CACNA1A: variants seen among roughly 807,000 people sequenced by gnomAD.
The protein encoded by CACNA1A is calcium voltage-gated channel subunit alpha1 A.
Under a neutral mutation model 262.4 loss-of-function variants are expected in CACNA1A, and 57 were observed. That is an observed-to-expected ratio of 0.22 (90% CI 0.18 to 0.27). The LOEUF is 0.27. CACNA1A is among the 10% of genes least tolerant of loss of function. CACNA1A has a pLI of 1.00. For missense variants in CACNA1A, 2,526 were observed against 3,562.8 expected, an observed-to-expected ratio of 0.71 and a Z score of 7.41; for synonymous variants, 1,431 against 1,419.3, an observed-to-expected ratio of 1.01 and a Z score of -0.18.
Position 13,212,265 on chromosome 19 carries a change from G to A in CACNA1A, c.6190-49C>T, listed in dbSNP as rs1477256776. 1 of 1,587,866 alleles carries A rather than the reference G, an allele frequency of 6.3e-7. No individual in the cohort carries two copies. Among genetic ancestry groups the A allele is most frequent in the East Asian group, 2.2e-5 (1 of 44,694 alleles). On this transcript the variant is annotated intron_variant, in intron 42 of 46. Coordinates refer to ENST00000360228, the MANE Select transcript of CACNA1A (RefSeq NM_001127222.2). The surrounding 1 kb of genome is among the most constrained non-coding windows in gnomAD (Gnocchi z 5.6). ...GATGAGCTCTGGGGCCTGACCTCCA[G>A]ATCCCTGGTGTCTGCAGAGGGAGGG...
intron 38 of CACNA1A, among the ~76,000 whole-genome samples, chr19:13,218,926 G>A (rs1014806912): frequency 6.6e-6 from 1 of 152,144 alleles, no homozygotes; most frequent in Admixed American, 6.5e-5. Context: ...TAGAGACGGG[G>A]TTTCGCCATG....
At chr19:13,231,995 C>T in intron 34 of CACNA1A, 135 bp from the exon 35 acceptor site, 1 of 743,346 alleles carries the variant, frequency 1.3e-6, no homozygotes, top group Non-Finnish European at 2.2e-6. Context: ...GGACCACCTC[C>T]TTTTACTGGG....
intron 3 of CACNA1A, among the ~76,000 whole-genome samples, chr19:13,427,016 G>A (rs1265213315): frequency 6.6e-6 from 1 of 152,170 alleles, no homozygotes; most frequent in Non-Finnish European, 1.5e-5. Flanking sequence ...TGCCTAGCGG[G>A]GAAAAATGGC....
chr19:13,473,919 C>T lies in CACNA1A; in HGVS notation c.294-18707G>A, dbSNP rs150597686. Among the ~76,000 whole-genome samples the T allele has an allele frequency of 5.3e-3, 802 of 152,300 alleles. 7 individuals are homozygous for T. Among genetic ancestry groups the T allele is most frequent in the African/African-American group, 0.018 (757 of 41,552 alleles). On this transcript the variant is annotated intron_variant, in intron 1 of 46. Transcript: ENST00000360228. ...GTTAAACAGATTTTCTGGAAAGCCC[C>T]GGCCTCCCAATGAAACCTCCCTCAC... is the stretch of plus-strand genomic sequence containing the variant.
intron 4 of CACNA1A, chr19:13,365,808 C>G (rs1301317731): frequency 5.4e-6 from 1 of 185,548 alleles, no homozygotes; most frequent in East Asian, 1.3e-4. Context: ...GCTAGGACTA[C>G]AGGCATGCAC....
At chr19:13,472,231 A>AT (rs2145040382) in intron 1 of CACNA1A, among the ~76,000 whole-genome samples, 1 of 152,254 alleles carries the variant, frequency 6.6e-6, no homozygotes, top group South Asian at 2.1e-4. Flanking sequence ...TCAGCCTCCC[A>AT]AAGTGCTAGG....
intron 1 of CACNA1A, among the ~76,000 whole-genome samples, chr19:13,487,361 G>A (rs899491632): frequency 2.6e-5 from 4 of 152,158 alleles, no homozygotes; most frequent in Admixed American, 6.5e-5. Flanking sequence ...AATGCAGGGA[G>A]CTGGGCTTTC....
intron 6 of CACNA1A, among the ~76,000 whole-genome samples, chr19:13,351,457 T>C (rs894979125): frequency 1.3e-5 from 2 of 152,188 alleles, no homozygotes; most frequent in African/African-American, 4.8e-5. Context: ...TCCTCCTGCC[T>C]CAGCCTCCCA....
intron 4 of CACNA1A, among the ~76,000 whole-genome samples, chr19:13,368,626 G>A (rs954703802): frequency 1.9e-4 from 29 of 152,212 alleles, no homozygotes; most frequent in Non-Finnish European, 3.5e-4. Context: ...TATAGCCTGA[G>A]GCTTTGCTTC....
rs761906928 is a variant in CACNA1A at position 13,207,281 on chromosome 19, G to C, written c.*32C>G. 1.4e-5 allele frequency: 22 copies of C among 1,524,198 alleles called. No homozygotes were observed. Among genetic ancestry groups the C allele is most frequent in the South Asian group, 3.6e-5 (3 of 84,464 alleles). The allele number at this position is 1,524,198 out of a possible 1,614,324, so 94.4% of individuals were successfully genotyped here. ...GGTGGGGTGTGTGCGTGGGGTGCGT[G>C]GGGGGCCGGGCGGGCGCCACCTCGC... On this transcript the variant is annotated 3_prime_UTR_variant, in exon 47 of 47. Coordinates refer to ENST00000360228, the MANE Select transcript of CACNA1A (RefSeq NM_001127222.2). The surrounding 1 kb of genome is among the most constrained non-coding windows in gnomAD (Gnocchi z 5.7).
chr19:13,414,522 G>C (rs948862721), intron 3 of CACNA1A, among the ~76,000 whole-genome samples: 1 of 152,180 alleles, frequency 6.6e-6, no homozygotes, highest in South Asian at 2.1e-4. Flanking sequence ...CACAAGAAAG[G>C]TGTCATCTAG....
chr19:13,429,604 A>T (rs1442734029), intron 3 of CACNA1A, among the ~76,000 whole-genome samples: 1 of 150,994 alleles, frequency 6.6e-6, no homozygotes, highest in African/African-American at 2.4e-5. Flanking sequence ...ATCTTGATTT[A>T]AAAAAAATTC....
At chr19:13,233,673 T>G (rs1242219812) in intron 34 of CACNA1A, among the ~76,000 whole-genome samples, 1 of 152,032 alleles carries the variant, frequency 6.6e-6, no homozygotes, top group African/African-American at 2.4e-5. Context: ...AATTTTTTTG[T>G]AGAGACGGGG....
In CACNA1A at chr19:13,248,805, T is replaced by C. The variant is rs937169743; in HGVS notation, c.4867-3540A>G. ...TTGCAGTGAGCCAAGATTGCACCAC[T>C]GCACTCCAGCCTGGGCAACAGAGTG... On this transcript the variant is annotated intron_variant, in intron 30 of 46. Transcript: ENST00000360228. Among the ~76,000 whole-genome samples the C allele has an allele frequency of 3.3e-5, 5 of 150,348 alleles. No individual in the cohort carries two copies. In the East Asian group the frequency reaches 9.8e-4, roughly 30 times the overall value.
At chr19:13,232,190 TTC>T (rs139395059) in intron 34 of CACNA1A, among the ~76,000 whole-genome samples, 4 of 151,492 alleles carry the variant, frequency 2.6e-5, no homozygotes, top group South Asian at 2.1e-4. Flanking sequence ...TTCCTTTCTT[TTC>T]TCTCTCTCTC....
chr19:13,440,855 G>A (rs1273769533), intron 3 of CACNA1A, among the ~76,000 whole-genome samples: 1 of 152,166 alleles, frequency 6.6e-6, no homozygotes, highest in African/African-American at 2.4e-5. Context: ...CGCTCTGTTG[G>A]ACTGCAGTGG....
intron 3 of CACNA1A, among the ~76,000 whole-genome samples, chr19:13,392,074 A>AACG (rs2059720408): frequency 6.6e-6 from 1 of 151,288 alleles, no homozygotes; most frequent in African/African-American, 2.4e-5. Flanking sequence ...AGCTGGGCAC[A>AACG]ACGTTGCATG....
intron 24 of CACNA1A, among the ~76,000 whole-genome samples, chr19:13,267,588 C>G (rs1354748410): frequency 1.3e-5 from 2 of 152,128 alleles, no homozygotes; most frequent in African/African-American, 4.8e-5. Context: ...AGGTTGTGAG[C>G]TTTGAAGTTG....
intron 3 of CACNA1A, among the ~76,000 whole-genome samples, chr19:13,418,136 C>T (rs993368121): frequency 1.3e-5 from 2 of 152,154 alleles, no homozygotes; most frequent in African/African-American, 2.4e-5. Context: ...AGGTGAGTTA[C>T]TTAACCCCAC....
Sources: allele counts gnomAD v4.1 joint callset (sites outside exome capture counted in the v4.1 genomes callset), GRCh38; gene constraint gnomAD v4.1.1; non-coding constraint Gnocchi (gnomAD v3.1); transcripts MANE v1.5; gene names NCBI Gene and HGNC (gene_info 2026-07-23, HGNC 2026-07-21).